MTOR: variants seen among roughly 807,000 people sequenced by gnomAD.
The protein encoded by MTOR is serine/threonine-protein kinase mTOR.
In MTOR, 70 loss-of-function variants were observed where a neutral mutation model predicts 319.8. The observed-to-expected ratio is 0.22, with a 90% confidence interval of 0.18 to 0.27. The LOEUF is 0.27. Among genes scored for constraint, MTOR ranks in the 10% least tolerant of loss-of-function variants. The pLI is 1.00. For synonymous variants in MTOR, 1,183 were observed against 1,211.4 expected, an observed-to-expected ratio of 0.98 and a Z score of 0.49; for missense variants, 1,890 against 3,274.4, an observed-to-expected ratio of 0.58 and a Z score of 10.32.
Position 11,107,460 on chromosome 1 carries a change from G to A in MTOR, c.*25C>T, listed in dbSNP as rs376243307. 667 of 1,608,080 alleles carry A rather than the reference G, an allele frequency of 4.1e-4. No individual in the cohort carries two copies. The highest frequency in any genetic ancestry group is 5.3e-4 in the Non-Finnish European group (628 of 1,178,656). The stretch of plus-strand genomic sequence containing the variant: ...AAAGTACAAAAGCCTCAGAAAAAAC[G>A]TGATGGGCACATCTGGGCCTCCAGT... On this transcript the variant is annotated 3_prime_UTR_variant, in exon 58 of 58. Transcript: ENST00000361445.
At chr1:11,197,588 C>T (rs1010502164) in intron 28 of MTOR, among the ~76,000 whole-genome samples, 1 of 152,182 alleles carries the variant, frequency 6.6e-6, no homozygotes, top group Non-Finnish European at 1.5e-5. Context: ...GTCATCCAGG[C>T]TAGAGTACAG....
chr1:11,183,730 A>AC (rs930047142), intron 28 of MTOR, among the ~76,000 whole-genome samples: 2 of 152,112 alleles, frequency 1.3e-5, no homozygotes, highest in Non-Finnish European at 2.9e-5. Context: ...TTCACACTTA[A>AC]GAGTTTAAAT....
At chr1:11,204,479 G>A in intron 26 of MTOR, 82 bp downstream of exon 26, 1 of 1,466,530 alleles carries the variant, frequency 6.8e-7, no homozygotes, top group Admixed American at 2.2e-5. Flanking sequence ...CCAGCCCCTT[G>A]ATTATTACTT....
In MTOR at chr1:11,148,402, G is replaced by C. The variant is rs182631085; in HGVS notation, c.4571-1611C>G. On this transcript the variant is annotated intron_variant, in intron 31 of 57. Coordinates refer to ENST00000361445, the MANE Select transcript of MTOR (RefSeq NM_004958.4). ...GTCTTTGTCCCTAGTGCCTGGTATA[G>C]AGCTATCGAAAACCCTCTGCATTTC... Among the ~76,000 whole-genome samples, 532 of 152,242 alleles carry C rather than the reference G, an allele frequency of 3.5e-3. 6 individuals are homozygous for C. Among genetic ancestry groups the C allele is most frequent in the African/African-American group, 0.012 (503 of 41,522 alleles).
At chr1:11,205,243 A>G (rs1159993145) in intron 25 of MTOR, among the ~76,000 whole-genome samples, 1 of 151,960 alleles carries the variant, frequency 6.6e-6, no homozygotes, top group Non-Finnish European at 1.5e-5. Flanking sequence ...AAAACTCTGA[A>G]CTCTCCAGAC....
At chr1:11,172,232 C>T (rs1303714014) in intron 28 of MTOR, among the ~76,000 whole-genome samples, 1 of 152,026 alleles carries the variant, frequency 6.6e-6, no homozygotes, top group Non-Finnish European at 1.5e-5. Context: ...ATGATAAGCT[C>T]TTATTGAGCA....
chr1:11,199,978 A>G lies in MTOR; in HGVS notation c.3945-275T>C, dbSNP rs1645905940. 6.6e-6 allele frequency among the ~76,000 whole-genome samples: 1 copy of G among 152,132 alleles called. No homozygotes were observed. Among genetic ancestry groups the G allele is most frequent in the Admixed American group, 6.5e-5 (1 of 15,270 alleles). On this transcript the variant is annotated intron_variant, in intron 26 of 57. Transcript: ENST00000361445. This position sits in a 1 kb window ranked among gnomAD's most constrained non-coding sequence, Gnocchi z 4.5. The stretch of plus-strand genomic sequence containing the variant: ...ATGGCTAGTGTCTACTGAATTTTAC[A>G]CTGCAGGTACAGACATTGTGATATT...
chr1:11,150,855 A>C (rs541345291), intron 30 of MTOR, among the ~76,000 whole-genome samples: 2 of 152,320 alleles, frequency 1.3e-5, no homozygotes, highest in African/African-American at 4.8e-5. Context: ...GAAGCCCTAG[A>C]ATAGGGTCTT....
At chr1:11,207,797 C>T (rs1280107682) in intron 25 of MTOR, among the ~76,000 whole-genome samples, 1 of 152,030 alleles carries the variant, frequency 6.6e-6, no homozygotes, top group Non-Finnish European at 1.5e-5. Context: ...TGCCCAGCTC[C>T]CACAATTTAC....
intron 57 of MTOR, 82 bp from the exon 58 acceptor site, chr1:11,107,582 G>A (rs1641638905): frequency 6.7e-7 from 1 of 1,496,996 alleles, no homozygotes; most frequent in African/African-American, 1.4e-5. Context: ...AAATGAAAAG[G>A]CCAAGGTCTG....
chr1:11,138,246 AGGT>A (rs1443638191), intron 36 of MTOR, among the ~76,000 whole-genome samples: 36 of 152,324 alleles, frequency 2.4e-4, no homozygotes, highest in African/African-American at 8.4e-4. Context: ...TGCCTGGAGG[AGGT>A]CAGGCTTTGA....
rs536955891 is a variant in MTOR, at chr1:11,210,012, T to C, written c.3655-554A>G. Reference sequence around the variant, plus strand: ...CCTCCTGAATAGTTGGGACTACAGGTGCACACCACCATGCCCGGCTAATTT... The same window carrying C: ...CCTCCTGAATAGTTGGGACTACAGGCGCACACCACCATGCCCGGCTAATTT... On this transcript the variant is annotated intron_variant, in intron 24 of 57. Coordinates refer to ENST00000361445, the MANE Select transcript of MTOR (RefSeq NM_004958.4). 1.1e-4 allele frequency among the ~76,000 whole-genome samples: 16 copies of C among 152,118 alleles called. 1 individual carries two copies. In the South Asian group the frequency reaches 3.3e-3, roughly 32 times the overall value.
intron 20 of MTOR, among the ~76,000 whole-genome samples, chr1:11,214,842 T>C (rs1557431745): frequency 1.3e-5 from 2 of 152,196 alleles, no homozygotes; most frequent in Non-Finnish European, 2.9e-5. Context: ...AACCCTACTC[T>C]GCCTTCTTTA....
intron 28 of MTOR, among the ~76,000 whole-genome samples, chr1:11,184,463 G>A (rs1393333492): frequency 6.6e-6 from 1 of 152,172 alleles, no homozygotes; most frequent in African/African-American, 2.4e-5. Flanking sequence ...GCTGTGTGTG[G>A]TGGCTCAGGC....
Position 11,144,996 on chromosome 1 carries a change from G to A in MTOR, c.4736C>T (p.Ala1579Val), listed in dbSNP as rs376251080. ...DLLDAELTAM[A>V]GESYSRAYGA... Reference sequence around the variant, plus strand: ...ATATGCCCGACTGTAACTCTCTCCTGCCATCGCAGTTAATTCAGCATCCAG... The same window carrying A: ...ATATGCCCGACTGTAACTCTCTCCTACCATCGCAGTTAATTCAGCATCCAG... The change falls in exon 33 of 58, where the codon GCA becomes GTA. Residue 1579 changes from alanine (A) to valine (V), a missense_variant. This residue lies in a region of MTOR where 276 missense variants were observed against 459.4 expected (regional missense o/e 0.60). Transcript: ENST00000361445. The A allele has an allele frequency of 1.9e-6, 3 of 1,614,118 alleles. No homozygotes were observed. The highest frequency in any genetic ancestry group is 1.7e-5 in the Admixed American group (1 of 60,014).
Position 11,115,566 on chromosome 1 carries a change from G to A in MTOR, c.7017-98C>T, listed in dbSNP as rs565408512. 27 of 1,173,416 alleles carry A rather than the reference G, an allele frequency of 2.3e-5. No homozygotes were observed. Among genetic ancestry groups the A allele is most frequent in the South Asian group, 1.4e-4 (11 of 79,230 alleles). 72.7% of individuals were successfully genotyped at this position (1,173,416 alleles called of 1,614,324 possible). ...TACTGTAAGCTAGGAGTTGGCAAAC[G>A]ATAGCCCTCAGCCAATCCAGCCCCT... On this transcript the variant is annotated intron_variant, in intron 50 of 57. Transcript: ENST00000361445. This position sits in a 1 kb window ranked among gnomAD's most constrained non-coding sequence, Gnocchi z 4.5.
intron 56 of MTOR, 53 bp from the exon 57 acceptor site, chr1:11,108,339 T>A: frequency 7.2e-7 from 1 of 1,393,108 alleles, no homozygotes; most frequent in South Asian, 1.2e-5. Context: ...ATCGATGCAC[T>A]TCTTGTTCCC....
chr1:11,250,791 C>T (rs1649570318), intron 6 of MTOR, among the ~76,000 whole-genome samples: 1 of 152,218 alleles, frequency 6.6e-6, no homozygotes, highest in Non-Finnish European at 1.5e-5. Context: ...CTCCCGCAAG[C>T]CTGCTGCTCC....
chr1:11,194,548 TACACTGGCAATGTGGGGAACG>T (rs748746959), intron 28 of MTOR: 1 of 1,614,160 alleles, frequency 6.2e-7, no homozygotes, highest in Admixed American at 1.7e-5. Flanking sequence ...CCTGGGGAAC[TACACTGGCAATGTGGGGAACG>T]ACGCCCTCCA....
Sources: allele counts gnomAD v4.1 joint callset (sites outside exome capture counted in the v4.1 genomes callset), GRCh38; gene constraint gnomAD v4.1.1; regional missense constraint gnomAD v4.1.1; non-coding constraint Gnocchi (gnomAD v3.1); transcripts MANE v1.5; gene names NCBI Gene and HGNC (gene_info 2026-07-23, HGNC 2026-07-21).